The following DLGAP2 variants were observed in gnomAD, a reference collection of about 807,000 sequenced individuals.
DLGAP2 encodes disks large-associated protein 2.
DLGAP2 carries 26 observed loss-of-function variants against 100.3 expected under a neutral mutation model. That is an observed-to-expected ratio of 0.26 (90% CI 0.19 to 0.36). The LOEUF (loss-of-function observed/expected upper bound fraction) is 0.36. Ranked by LOEUF, DLGAP2 falls within the 10% of genes least tolerant of loss-of-function variation. The pLI, the probability that DLGAP2 is intolerant of heterozygous loss-of-function variation, is 1.00. For synonymous variants in DLGAP2, 886 were observed against 630.1 expected (o/e 1.41, Z -6.08); for missense variants, 1,858 against 1,453.2 (o/e 1.28, Z -4.53).
chr8:999,973 T>G (rs1487209218), intron 2 of DLGAP2, among the ~76,000 whole-genome samples: 1 of 147,732 alleles, frequency 6.8e-6, no homozygotes, highest in African/African-American at 2.5e-5. Context: ...CAGATCCGGG[T>G]GGAGGTGGTT....
At chr8:1,069,023 G>A (rs192333281) in intron 2 of DLGAP2, among the ~76,000 whole-genome samples, 65 of 152,284 alleles carry the variant, frequency 4.3e-4, no homozygotes, top group African/African-American at 1.5e-3. Context: ...CCCAGTCTGG[G>A]TAACAAGAAC....
At chr8:1,377,620 A>G (rs955102450) in intron 3 of DLGAP2, among the ~76,000 whole-genome samples, 3 of 152,200 alleles carry the variant, frequency 2.0e-5, no homozygotes, top group Non-Finnish European at 4.4e-5. Context: ...GGCAGAGGAC[A>G]TACCCCAGCC....
intron 3 of DLGAP2, among the ~76,000 whole-genome samples, chr8:1,384,210 G>T (rs1239220340): frequency 6.6e-6 from 1 of 152,258 alleles, no homozygotes; most frequent in South Asian, 2.1e-4. Context: ...AGTGGCCTTG[G>T]ATGCCATTTT....
Position 780,149 on chromosome 8 carries a change from G to A in DLGAP2, c.18+42324G>A, listed in dbSNP as rs546836648. On this transcript the variant is annotated intron_variant, in intron 1 of 14. Transcript: ENST00000637795. ...CTACATCTGCCCTTTCCTCATCCCC[G>A]CCAACCCCACCTACCAGCCTGGCCC... Among the ~76,000 whole-genome samples, 18 of 152,022 alleles carry A rather than the reference G, an allele frequency of 1.2e-4. No individual in the cohort carries two copies. The South Asian group carries it at 2.1e-3, about 18-fold the overall frequency.
chr8:1,325,485 G>A (rs1011481581), intron 3 of DLGAP2, among the ~76,000 whole-genome samples: 1 of 152,220 alleles, frequency 6.6e-6, no homozygotes, highest in African/African-American at 2.4e-5. Context: ...TTCAAGATTT[G>A]GGGTGCTCGG....
At chr8:925,294 G>GT (rs578239594) in intron 2 of DLGAP2, among the ~76,000 whole-genome samples, 33 of 151,870 alleles carry the variant, frequency 2.2e-4, no homozygotes, top group Middle Eastern at 3.2e-3. Context: ...TAATTATAAT[G>GT]TTTTTTTTGT....
chr8:1,003,532 C>T (rs1465390201), intron 2 of DLGAP2, among the ~76,000 whole-genome samples: 2 of 152,196 alleles, frequency 1.3e-5, no homozygotes, highest in Non-Finnish European at 2.9e-5. Context: ...AATAATAAGC[C>T]ATCTCAACAT....
chr8:1,455,038 G>C (rs1024268796), intron 3 of DLGAP2, among the ~76,000 whole-genome samples: 4 of 152,174 alleles, frequency 2.6e-5, no homozygotes, highest in Admixed American at 6.5e-5. Context: ...GTCTGGGGAG[G>C]GGGGGATACC....
rs192465537 is a variant in DLGAP2 at position 1,685,186 on chromosome 8, G to A, written c.2705-6349G>A. ...CCCCGGCAGTTGGCACTCACACAGC[G>A]GTCAGCAGCTGACAAAGAGCCCAGA... On this transcript the variant is annotated intron_variant, in intron 12 of 14. Coordinates refer to ENST00000637795, the MANE Select transcript of DLGAP2 (RefSeq NM_001346810.2). Among the ~76,000 whole-genome samples, 64 of 151,348 alleles carry A rather than the reference G, an allele frequency of 4.2e-4. No individual in the cohort carries two copies. In the South Asian group the frequency reaches 6.0e-3, roughly 14 times the overall value.
intron 3 of DLGAP2, among the ~76,000 whole-genome samples, chr8:1,417,159 A>AGGCGGGGGAGACCGTCTGAGGC (rs1563133699): frequency 3.9e-5 from 3 of 77,224 alleles, no homozygotes; most frequent in Non-Finnish European, 8.1e-5. Context: ...ACTCTGAGTG[A>AGGCGGGGGAGACCGTCTGAGGC]AGGGGAAGCC....
At chr8:1,178,443 T>G (rs939021927) in intron 2 of DLGAP2, among the ~76,000 whole-genome samples, 7 of 152,186 alleles carry the variant, frequency 4.6e-5, no homozygotes, top group African/African-American at 1.7e-4. Flanking sequence ...ACTCTGTGTT[T>G]CTGTCCTGCT....
intron 3 of DLGAP2, among the ~76,000 whole-genome samples, chr8:1,322,138 A>AT (rs1202855119): frequency 1.3e-5 from 2 of 152,146 alleles, no homozygotes; most frequent in African/African-American, 4.8e-5. Context: ...GTGAATACCT[A>AT]TTTTTTTCTA....
At chr8:1,311,692 A>C (rs560938901) in intron 3 of DLGAP2, among the ~76,000 whole-genome samples, 13 of 142,936 alleles carry the variant, frequency 9.1e-5, no homozygotes, top group African/African-American at 3.2e-4. Context: ...AAATCTCATA[A>C]CTGTTCATGA....
intron 2 of DLGAP2, among the ~76,000 whole-genome samples, chr8:1,107,039 G>A (rs13263044): frequency 0.28 from 42,299 of 152,094 alleles, 6,704 homozygotes; most frequent in Non-Finnish European, 0.37. Flanking sequence ...GCAGGCAGCA[G>A]TGAGTGTACT....
chr8:1,042,316 A>T (rs1024630673), intron 2 of DLGAP2, among the ~76,000 whole-genome samples: 1 of 152,204 alleles, frequency 6.6e-6, no homozygotes, highest in Non-Finnish European at 1.5e-5. Context: ...GGAGAAAATC[A>T]ACAACGTGCC....
At chr8:1,291,637 C>A (rs1800062469) in intron 3 of DLGAP2, among the ~76,000 whole-genome samples, 1 of 152,174 alleles carries the variant, frequency 6.6e-6, no homozygotes, top group Admixed American at 6.5e-5. Flanking sequence ...CGGGATCAGG[C>A]TAAGGGATCT....
intron 3 of DLGAP2, among the ~76,000 whole-genome samples, chr8:1,356,070 C>T (rs1410716501): frequency 6.6e-6 from 1 of 152,236 alleles, no homozygotes; most frequent in Non-Finnish European, 1.5e-5. Flanking sequence ...GGCCCTCACA[C>T]TACGCCAGCC....
intron 1 of DLGAP2, among the ~76,000 whole-genome samples, chr8:795,961 A>G (rs1229463087): frequency 4.5e-5 from 6 of 134,000 alleles, no homozygotes; most frequent in Admixed American, 7.2e-5. Context: ...GCAGGCGTCC[A>G]GTGAGAGCAG....
At chr8:759,092 G>GCCTTCCCA (rs1820998256) in intron 1 of DLGAP2, among the ~76,000 whole-genome samples, 3 of 13,684 alleles carry the variant, frequency 2.2e-4, no homozygotes, top group African/African-American at 6.2e-4. Flanking sequence ...CAGCCTTCCT[G>GCCTTCCCA]TTATCAATAC....
Sources: gnomAD v4.1 joint callset for allele counts (sites outside exome capture counted in the v4.1 genomes callset) on GRCh38, gnomAD v4.1.1 for gene constraint, MANE v1.5 for transcripts, NCBI Gene and HGNC (gene_info 2026-07-23, HGNC 2026-07-21) for gene names.